ATXN1: variants seen among roughly 807,000 people sequenced by gnomAD.
ATXN1 encodes ataxin-1.
A neutral mutation model predicts 56.4 loss-of-function variants in ATXN1; 8 were observed. The ratio of observed to expected loss-of-function variants is 0.14; its 90% CI spans 0.08 to 0.26. The LOEUF is 0.26. Among genes scored for constraint, ATXN1 ranks in the 10% least tolerant of loss-of-function variants. ATXN1 has a pLI of 1.00. For synonymous variants in ATXN1, 514 were observed against 494.6 expected (o/e 1.04, Z -0.52); for missense variants, 987 against 1,106.5 (o/e 0.89, Z 1.53).
intron 6 of ATXN1, among the ~76,000 whole-genome samples, chr6:16,351,848 C>T (rs76581598): frequency 6.6e-6 from 1 of 152,336 alleles, no homozygotes; most frequent in Non-Finnish European, 1.5e-5. Context: ...CAGATGTGTG[C>T]TGACGGTACT....
At chr6:16,743,283 A>G (rs775506984) in intron 2 of ATXN1, among the ~76,000 whole-genome samples, 2 of 152,246 alleles carry the variant, frequency 1.3e-5, no homozygotes, top group Non-Finnish European at 2.9e-5. Context: ...CTTTCTTTCC[A>G]GAAAATTCAT....
rs1168923062 is a variant in ATXN1, at chr6:16,328,192, A to G, written c.119T>C (p.Val40Ala). Residue 40 changes from valine to alanine, a missense_variant, in exon 7 of 8, where the codon GTG (valine) becomes GCG (alanine). Val to Ala is a moderately conservative substitution (Grantham distance 64). Coordinates refer to ENST00000436367, the MANE Select transcript of ATXN1 (RefSeq NM_001128164.2). This position sits in a 1 kb window ranked among gnomAD's most constrained non-coding sequence, Gnocchi z 6.2. ...APTLPSDNHR[V>A]EGTAWLPGNP... is the part of the protein sequence containing the mutation. ...GCCCGGGAGCCATGCTGTGCCCTCC[A>G]CCCGGTGGTTGTCGCTGGGCAGGGT... The G allele has an allele frequency of 1.0e-5, 16 of 1,596,918 alleles. No homozygotes were observed. Among genetic ancestry groups the G allele is most frequent in the Non-Finnish European group, 1.3e-5 (15 of 1,169,052 alleles).
At chr6:16,483,355 C>A (rs1219235797) in intron 6 of ATXN1, among the ~76,000 whole-genome samples, 2 of 152,186 alleles carry the variant, frequency 1.3e-5, no homozygotes, top group Admixed American at 6.6e-5. Flanking sequence ...TGTTTATGTG[C>A]AAACATGCAT....
chr6:16,541,829 G>A (rs1581832880), intron 4 of ATXN1, among the ~76,000 whole-genome samples: 2 of 152,176 alleles, frequency 1.3e-5, no homozygotes, highest in Admixed American at 6.5e-5. Context: ...AACGTAAAGT[G>A]ACTTGGTCAA....
At chr6:16,611,034 G>GA (rs1316669507) in intron 3 of ATXN1, among the ~76,000 whole-genome samples, 1 of 151,852 alleles carries the variant, frequency 6.6e-6, no homozygotes, top group East Asian at 1.9e-4. Context: ...TGTCTCTAGA[G>GA]AAAAATATAT....
chr6:16,578,126 T>C (rs1762458845), intron 4 of ATXN1, among the ~76,000 whole-genome samples: 1 of 152,224 alleles, frequency 6.6e-6, no homozygotes, highest in Non-Finnish European at 1.5e-5. Context: ...TACATAAACA[T>C]TTTATGTGCT....
At chr6:16,514,139 A>T (rs892147797) in intron 5 of ATXN1, among the ~76,000 whole-genome samples, 2 of 152,080 alleles carry the variant, frequency 1.3e-5, no homozygotes, top group Non-Finnish European at 1.5e-5. Context: ...CAGCCCCAGA[A>T]AGCAAAACGG....
At chr6:16,517,064 C>A (rs1761196898) in intron 5 of ATXN1, among the ~76,000 whole-genome samples, 1 of 152,264 alleles carries the variant, frequency 6.6e-6, no homozygotes, top group South Asian at 2.1e-4. Flanking sequence ...TACCACCATG[C>A]AGGCATGGAT....
intron 5 of ATXN1, among the ~76,000 whole-genome samples, chr6:16,492,466 A>AC (rs1760687576): frequency 6.6e-6 from 1 of 151,282 alleles, no homozygotes; most frequent in African/African-American, 2.4e-5. Flanking sequence ...ATGCACACAC[A>AC]AAAAAAAATA....
chr6:16,751,029 C>T (rs1304247114), intron 2 of ATXN1, among the ~76,000 whole-genome samples: 1 of 146,056 alleles, frequency 6.8e-6, no homozygotes, highest in East Asian at 2.0e-4. Flanking sequence ...AGTGCAGTGG[C>T]GAGACCTGGG....
At chr6:16,308,946 G>A (rs1445136180) in intron 7 of ATXN1, among the ~76,000 whole-genome samples, 2 of 152,086 alleles carry the variant, frequency 1.3e-5, no homozygotes, top group Non-Finnish European at 1.5e-5. Flanking sequence ...GATCCATGAA[G>A]CCAGGCATGG....
intron 6 of ATXN1, among the ~76,000 whole-genome samples, chr6:16,343,111 G>A (rs1015864779): frequency 6.6e-6 from 1 of 152,228 alleles, no homozygotes; most frequent in Admixed American, 6.5e-5. Context: ...TTGGGAGGCT[G>A]AGGCGCGCAG....
chr6:16,523,823 C>T (rs575245126), intron 4 of ATXN1, among the ~76,000 whole-genome samples: 68 of 152,236 alleles, frequency 4.5e-4, no homozygotes, highest in African/African-American at 1.6e-3. Context: ...GAATGTTGGA[C>T]AGAGGAAGCC....
At chr6:16,758,560 T>C (rs186341786) in intron 1 of ATXN1, among the ~76,000 whole-genome samples, 6 of 152,260 alleles carry the variant, frequency 3.9e-5, no homozygotes, top group East Asian at 1.9e-4. Flanking sequence ...GAAGATGCAA[T>C]TGAAATAGTG....
intron 3 of ATXN1, among the ~76,000 whole-genome samples, chr6:16,603,276 C>T (rs1338126236): frequency 1.3e-5 from 2 of 152,194 alleles, no homozygotes; most frequent in Admixed American, 1.3e-4. Flanking sequence ...GGCTTTTCTC[C>T]TTCCAAGAGG....
At chr6:16,626,196 T>C (rs1166567048) in intron 3 of ATXN1, among the ~76,000 whole-genome samples, 2 of 152,236 alleles carry the variant, frequency 1.3e-5, no homozygotes, top group African/African-American at 4.8e-5. Flanking sequence ...CTGCATATTA[T>C]TGCAAAGTTA....
intron 2 of ATXN1, among the ~76,000 whole-genome samples, chr6:16,684,485 G>A (rs1008914018): frequency 1.2e-4 from 18 of 152,066 alleles, no homozygotes; most frequent in African/African-American, 3.9e-4. Flanking sequence ...TCACTCTGTC[G>A]CCCAGGCTGG....
rs1760170717 is a variant in ATXN1 at position 16,303,670 on chromosome 6, A to G, written c.*2659T>C. 6.5e-6 allele frequency: 1 copy of G among 152,680 alleles called. No individual in the cohort carries two copies. Among genetic ancestry groups the G allele is most frequent in the African/African-American group, 2.4e-5 (1 of 41,468 alleles). 9.5% of individuals were successfully genotyped at this position (152,680 alleles called of 1,614,324 possible). A position where few individuals can be genotyped will look rare whatever the true frequency, so the allele number is the denominator to read the frequency against. On this transcript the variant is annotated 3_prime_UTR_variant, in exon 8 of 8. Coordinates refer to ENST00000436367, the MANE Select transcript of ATXN1 (RefSeq NM_001128164.2). This position sits in a 1 kb window ranked among gnomAD's most constrained non-coding sequence, Gnocchi z 4.3. ...ATTATGATGATGTTCCTATTGCTCC[A>G]AACCATGTGTGTTTTCCCATCTTAG...
chr6:16,424,913 T>C (rs888214856), intron 6 of ATXN1, among the ~76,000 whole-genome samples: 6 of 152,184 alleles, frequency 3.9e-5, no homozygotes, highest in Non-Finnish European at 8.8e-5. Context: ...CTGAGGACCT[T>C]CCAGAACCAT....
Sources: allele counts gnomAD v4.1 joint callset (sites outside exome capture counted in the v4.1 genomes callset), GRCh38; gene constraint gnomAD v4.1.1; non-coding constraint Gnocchi (gnomAD v3.1); transcripts MANE v1.5; gene names NCBI Gene and HGNC (gene_info 2026-07-23, HGNC 2026-07-21).